The following TNKS2 variants were observed in gnomAD, a reference collection of about 807,000 sequenced individuals.
TNKS2 encodes the protein poly [ADP-ribose] polymerase tankyrase-2.
Under a neutral mutation model 137.6 loss-of-function variants are expected in TNKS2, and 72 were observed. The ratio of observed to expected loss-of-function variants is 0.52; its 90% CI spans 0.43 to 0.64. The LOEUF is 0.64. TNKS2 is among the 30% of genes least tolerant of loss of function. The pLI is 0.00. For synonymous variants in TNKS2, 516 were observed against 512.1 expected, an observed-to-expected ratio of 1.01 and a Z score of -0.10; for missense variants, 1,049 against 1,410.2, an observed-to-expected ratio of 0.74 and a Z score of 4.10.
intron 1 of TNKS2, among the ~76,000 whole-genome samples, chr10:91,799,521 C>T (rs920448668): frequency 1.3e-5 from 2 of 152,160 alleles, no homozygotes; most frequent in East Asian, 1.9e-4. Context: ...ACAAGTTGGG[C>T]GGAAAGTGGT....
At chr10:91,836,302 C>A (rs529789230) in intron 12 of TNKS2, among the ~76,000 whole-genome samples, 1 of 151,808 alleles carries the variant, frequency 6.6e-6, no homozygotes, top group East Asian at 1.9e-4. Context: ...AATATTCCCC[C>A]GTTTTCTTCT....
In TNKS2 at chr10:91,862,974, G is replaced by A. The variant is rs1268983110; in HGVS notation, c.3476G>A (p.Arg1159Lys). ...TATTTAATTACTTACCAGATTATGA[G>A]GCCTGAAGGTATGGTCGATGGATAA... Reference protein sequence around the residue: ...PEYLITYQIMRPEGMVDG With the variant: ...PEYLITYQIMKPEGMVDG Residue 1159 changes from arginine (R) to lysine (K), a missense_variant, in exon 27 of 27, where the codon AGG becomes AAG. Arg to Lys is a conservative substitution (Grantham distance 26). Transcript: ENST00000371627. 2 of 1,606,018 alleles carry A rather than the reference G, an allele frequency of 1.2e-6. No homozygotes were observed. Among genetic ancestry groups the A allele is most frequent in the Non-Finnish European group, 8.5e-7 (1 of 1,174,726 alleles).
chr10:91,814,710 A>G (rs552535869), intron 2 of TNKS2, among the ~76,000 whole-genome samples: 1 of 152,344 alleles, frequency 6.6e-6, no homozygotes, highest in South Asian at 2.1e-4. Context: ...CGGTACAGTA[A>G]CATGCTGTTC....
At chr10:91,848,976 G>A (rs1427339674) in intron 19 of TNKS2, among the ~76,000 whole-genome samples, 1 of 152,070 alleles carries the variant, frequency 6.6e-6, no homozygotes, top group Admixed American at 6.6e-5. Flanking sequence ...AGCTGAAATT[G>A]CAGGCACCCA....
Position 91,841,337 on chromosome 10 carries a change from ACTT to A in TNKS2, c.1732_1734del (p.Leu578del). On this transcript the variant is annotated inframe_deletion, in exon 15 of 27. Transcript: ENST00000371627. ...CTTATGGACATTATGAAGTTGCAGA[ACTT>A]CTTGTTAAACATGGAGCAGTAGTTA... 1.9e-6 allele frequency: 3 copies of A among 1,604,188 alleles called. No individual in the cohort carries two copies. The highest frequency in any genetic ancestry group is 2.6e-6 in the Non-Finnish European group (3 of 1,175,274).
chr10:91,843,003 A>G (rs1842262110), intron 16 of TNKS2, among the ~76,000 whole-genome samples: 2 of 152,120 alleles, frequency 1.3e-5, no homozygotes, highest in Non-Finnish European at 2.9e-5. Flanking sequence ...TTGGTAAACA[A>G]GTTTTGAAAA....
At chr10:91,840,434 C>T (rs1354607591) in intron 13 of TNKS2, 127 bp from the exon 14 acceptor site, 2 of 798,512 alleles carry the variant, frequency 2.5e-6, no homozygotes, top group Admixed American at 5.2e-5. Context: ...TAAATAGTTT[C>T]TGAGAATACT....
chr10:91,816,022 C>T (rs1844682499), intron 2 of TNKS2, among the ~76,000 whole-genome samples: 1 of 149,676 alleles, frequency 6.7e-6, no homozygotes, highest in South Asian at 2.1e-4. Flanking sequence ...GATCTCCGCT[C>T]ACTGCAAGCT....
intron 3 of TNKS2, among the ~76,000 whole-genome samples, chr10:91,818,118 C>T (rs986342863): frequency 2.6e-5 from 4 of 152,182 alleles, no homozygotes; most frequent in African/African-American, 9.7e-5. Flanking sequence ...TCATTTTCTC[C>T]TTCACTAGTC....
chr10:91,856,024 G>A (rs1038141904), intron 23 of TNKS2, among the ~76,000 whole-genome samples: 8 of 151,718 alleles, frequency 5.3e-5, no homozygotes, highest in South Asian at 2.1e-4. Context: ...TTTTTGTGGC[G>A]GATACCATCT....
At position 91,845,601 on chromosome 10, in the gene TNKS2, A is replaced by G. The variant is rs182465414; in HGVS notation, c.2170-151A>G. The stretch of plus-strand genomic sequence containing the variant: ...CACTGTAATTTTTAATCAGCTACTC[A>G]TAAGTTGTGATGTTGGGGAGAAAGA... On this transcript the variant is annotated intron_variant, in intron 17 of 26. Coordinates refer to ENST00000371627, the MANE Select transcript of TNKS2 (RefSeq NM_025235.4). 2.8e-5 allele frequency: 15 copies of G among 527,048 alleles called. 1 individual carries two copies. Among genetic ancestry groups the G allele is most frequent in the East Asian group, 2.8e-4 (9 of 31,756 alleles). 32.6% of individuals were successfully genotyped at this position (527,048 alleles called of 1,614,324 possible). A position where few individuals can be genotyped will look rare whatever the true frequency, so the allele number is the denominator to read the frequency against.
chr10:91,830,916 T>C lies in TNKS2; in HGVS notation c.1105-7T>C. 2 of 1,596,846 alleles carry C rather than the reference T, an allele frequency of 1.3e-6. No individual in the cohort carries two copies. Among genetic ancestry groups the C allele is most frequent in the Non-Finnish European group, 1.7e-6 (2 of 1,170,528 alleles). On this transcript the variant is annotated splice_region_variant and splice_polypyrimidine_tract_variant and intron_variant, in intron 9 of 26. Transcript: ENST00000371627. ...CCTTGATTAATGCTGCAATTTAAAT[T>C]ATTTAGCATTGTGCTGCTGCATCTC...
chr10:91,816,944 G>A (rs1427687534), intron 2 of TNKS2, among the ~76,000 whole-genome samples, 190 bp from the exon 3 acceptor site: 1 of 152,110 alleles, frequency 6.6e-6, no homozygotes, highest in African/African-American at 2.4e-5. Flanking sequence ...TGTCTTTAAT[G>A]CATTAAGTAA....
rs373621241 is a variant in TNKS2, at chr10:91,845,821, A to G, written c.2239A>G (p.Thr747Ala). The G allele has an allele frequency of 6.2e-7, 1 of 1,607,528 alleles. No individual in the cohort carries two copies. Among genetic ancestry groups the G allele is most frequent in the African/African-American group, 1.3e-5 (1 of 74,884 alleles). Reference sequence around the variant, plus strand: ...CAATGCCACGGACAAATGGGCTTTCACACCTTTGCACGAAGCAGCCCAAAA... The same window carrying G: ...CAATGCCACGGACAAATGGGCTTTCGCACCTTTGCACGAAGCAGCCCAAAA... Reference protein sequence around the residue: ...CVNATDKWAFTPLHEAAQKGR... With the variant: ...CVNATDKWAFAPLHEAAQKGR... Residue 747 changes from threonine to alanine, a missense_variant, in exon 18 of 27, where the codon ACA (threonine) becomes GCA (alanine). Thr to Ala is a moderately conservative substitution (Grantham distance 58). Around this residue, in one of 6 missense-constraint regions of TNKS2, gnomAD observed 328 missense variants for 436.0 expected, o/e 0.75. Coordinates refer to ENST00000371627, the MANE Select transcript of TNKS2 (RefSeq NM_025235.4).
At position 91,836,925 on chromosome 10, in the gene TNKS2, T is replaced by C; in HGVS notation, c.1454T>C (p.Ile485Thr). 6.2e-7 allele frequency: 1 copy of C among 1,612,862 alleles called. No individual in the cohort carries two copies. Among genetic ancestry groups the C allele is most frequent in the Non-Finnish European group, 8.5e-7 (1 of 1,179,424 alleles). The change falls in exon 13 of 27, where the codon ATC becomes ACC. Residue 485 changes from isoleucine (I) to threonine (T), a missense_variant. Transcript: ENST00000371627. ...ENVQQLLQEG[I>T]SLGNSEADRQ... is the part of the protein sequence containing the mutation. ...CTCTCTCTCTCTTTTTTAGAGGGTA[T>C]CTCATTAGGTAATTCAGAGGCAGAC...
chr10:91,851,488 T>C, intron 21 of TNKS2, 152 bp downstream of exon 21: 1 of 931,756 alleles, frequency 1.1e-6, no homozygotes, highest in South Asian at 1.7e-5. Context: ...AAGTCTTAGC[T>C]GTGCTACTGA....
At chr10:91,823,127 C>CT (rs111643750) in intron 7 of TNKS2, among the ~76,000 whole-genome samples, 5 of 151,694 alleles carry the variant, frequency 3.3e-5, no homozygotes, top group African/African-American at 9.7e-5. Flanking sequence ...TTTCAAAACT[C>CT]TAAGAAGCAG....
chr10:91,816,686 C>CTTT (rs34591746), intron 2 of TNKS2, among the ~76,000 whole-genome samples: 15,427 of 147,700 alleles, frequency 0.1, 914 homozygotes, highest in East Asian at 0.2. Context: ...GTGTGATTTT[C>CTTT]TTTTTTTTTT....
intron 2 of TNKS2, 104 bp downstream of exon 2, chr10:91,813,311 A>G: frequency 2.0e-6 from 2 of 1,006,568 alleles, no homozygotes; most frequent in Non-Finnish European, 2.9e-6. Context: ...CTGAATTTAA[A>G]TATTTAAGAA....
Sources: allele counts gnomAD v4.1 joint callset (sites outside exome capture counted in the v4.1 genomes callset), GRCh38; gene constraint gnomAD v4.1.1; regional missense constraint gnomAD v4.1.1; transcripts MANE v1.5; gene names NCBI Gene and HGNC (gene_info 2026-07-23, HGNC 2026-07-21).